The following CTSC variants were observed in gnomAD, a reference collection of about 807,000 sequenced individuals.
CTSC encodes cathepsin C, also known as dipeptidyl peptidase 1.
A neutral mutation model predicts 40.9 loss-of-function variants in CTSC; 37 were observed. That is an observed-to-expected ratio of 0.91 (90% CI 0.70 to 1.19). The LOEUF is 1.19. CTSC is among the 50% of genes most tolerant of loss of function. CTSC has a pLI of 0.00. For missense variants in CTSC, 594 were observed against 567.3 expected, an observed-to-expected ratio of 1.05 and a Z score of -0.48; for synonymous variants, 232 against 207.4, an observed-to-expected ratio of 1.12 and a Z score of -1.02.
intron 2 of CTSC, among the ~76,000 whole-genome samples, chr11:88,330,793 C>T (rs1413860259): frequency 1.2e-4 from 19 of 152,128 alleles, no homozygotes; most frequent in Admixed American, 1.2e-3. Flanking sequence ...CCTACTATAC[C>T]CCCAATTTCT....
At position 88,301,351 on chromosome 11, in the gene CTSC, T is replaced by G. The variant is rs551977452; in HGVS notation, c.642-706A>C. Among the ~76,000 whole-genome samples the G allele has an allele frequency of 9.8e-5, 15 of 152,308 alleles. 1 individual carries two copies. The highest frequency in any genetic ancestry group is 3.6e-4 in the African/African-American group (15 of 41,576). ...CTTAACTCCACCCTCTTCATTTACATAAGGCATACACCAGGTAACCAATGG... is the reference window on the plus strand; with the variant it reads ...CTTAACTCCACCCTCTTCATTTACAGAAGGCATACACCAGGTAACCAATGG... On this transcript the variant is annotated intron_variant, in intron 4 of 6. Transcript: ENST00000227266.
At chr11:88,327,433 GTCTC>G in intron 2 of CTSC, among the ~76,000 whole-genome samples, 1 of 152,168 alleles carries the variant, frequency 6.6e-6, no homozygotes, top group African/African-American at 2.4e-5. Context: ...GGAAGGGTAA[GTCTC>G]TATTAATTTT....
chr11:88,330,345 G>C (rs1478371826), intron 2 of CTSC, among the ~76,000 whole-genome samples: 2 of 152,102 alleles, frequency 1.3e-5, no homozygotes, highest in African/African-American at 2.4e-5. Context: ...TGCTGAGTAA[G>C]AAAAAATCTT....
chr11:88,321,327 T>G (rs1289650073), intron 2 of CTSC: 1 of 152,158 alleles, frequency 6.6e-6, no homozygotes, highest in Non-Finnish European at 1.5e-5. Flanking sequence ...TTGAGCAGGA[T>G]ATAAAGAACT....
chr11:88,335,033 T>C lies in CTSC; in HGVS notation c.222A>G (p.Ala74=). Residue 74 remains alanine (A), a synonymous_variant, in exon 2 of 7, where the codon GCA becomes GCG. Transcript: ENST00000227266. ...VVVYLQKLDT[A]YDDLGNSGHF... is the part of the protein sequence containing the mutation. ...GGCCAGAATTGCCAAGGTCATCATATGCTGTATCCAGCTTCTGAAGGTACA... is the reference window on the plus strand; with the variant it reads ...GGCCAGAATTGCCAAGGTCATCATACGCTGTATCCAGCTTCTGAAGGTACA... 1.2e-6 allele frequency: 2 copies of C among 1,607,420 alleles called. No individual in the cohort carries two copies. Among genetic ancestry groups the C allele is most frequent in the Non-Finnish European group, 1.7e-6 (2 of 1,174,164 alleles).
intron 4 of CTSC, among the ~76,000 whole-genome samples, chr11:88,306,367 A>G (rs905461699): frequency 6.6e-6 from 1 of 152,146 alleles, no homozygotes; most frequent in Admixed American, 6.5e-5. Context: ...CTGAAGACCT[A>G]AGGCCCTAAG....
chr11:88,310,221 C>T (rs1454876733), intron 3 of CTSC, among the ~76,000 whole-genome samples: 1 of 146,688 alleles, frequency 6.8e-6, no homozygotes, highest in African/African-American at 2.5e-5. Flanking sequence ...AAGTGATTCA[C>T]AATAACATTA....
chr11:88,297,634 C>A (rs1944312767), intron 5 of CTSC: 1 of 152,188 alleles, frequency 6.6e-6, no homozygotes, highest in African/African-American at 2.4e-5. Flanking sequence ...GTGGGAGGCA[C>A]AGGCTGCAAG....
rs553322141 is a variant in CTSC at position 88,298,413 on chromosome 11, A to C, written c.757+2117T>G. The C allele has an allele frequency of 2.0e-5, 3 of 152,256 alleles. No individual in the cohort carries two copies. The East Asian group carries it at 5.8e-4, about 29-fold the overall frequency. 9.4% of individuals were successfully genotyped at this position (152,256 alleles called of 1,614,324 possible). ...ATCTGTTTTCAAGTGTAAAGGTAAAACCTCATTTGTCCTCCCACTATTTCT... is the reference window on the plus strand; with the variant it reads ...ATCTGTTTTCAAGTGTAAAGGTAAACCCTCATTTGTCCTCCCACTATTTCT... On this transcript the variant is annotated intron_variant, in intron 5 of 6. Transcript: ENST00000227266.
At chr11:88,330,769 T>C (rs1194668503) in intron 2 of CTSC, among the ~76,000 whole-genome samples, 1 of 152,216 alleles carries the variant, frequency 6.6e-6, no homozygotes, top group Admixed American at 6.5e-5. Context: ...CATCCAAATA[T>C]ATGTATCTCC....
At chr11:88,300,667 GAT>G in intron 4 of CTSC, 22 bp from the exon 5 acceptor site, 1 of 1,330,916 alleles carries the variant, frequency 7.5e-7, no homozygotes, top group South Asian at 1.2e-5. Flanking sequence ...ATATACATTT[GAT>G]ATCAACATAT....
chr11:88,315,088 T>C (rs75754040), intron 2 of CTSC, among the ~76,000 whole-genome samples: 2,508 of 152,310 alleles, frequency 0.016, 78 homozygotes, highest in African/African-American at 0.057. Flanking sequence ...GGTAACTTTA[T>C]AGGATGCAAC....
At chr11:88,313,235 A>G (rs1434884737) in intron 2 of CTSC, among the ~76,000 whole-genome samples, 3 of 152,052 alleles carry the variant, frequency 2.0e-5, no homozygotes, top group Non-Finnish European at 2.9e-5. Flanking sequence ...ACGCCTGGCT[A>G]ATTTTTGTAT....
intron 1 of CTSC, 67 bp downstream of exon 1, chr11:88,337,434 G>A (rs769976786): frequency 1.1e-5 from 16 of 1,471,824 alleles, no homozygotes; most frequent in Middle Eastern, 2.2e-4. Context: ...GGTAGTTGGC[G>A]TGGCGCTGCG....
At chr11:88,299,510 G>C (rs1944334808) in intron 5 of CTSC, 1 of 152,190 alleles carries the variant, frequency 6.6e-6, no homozygotes, top group Admixed American at 6.5e-5. Context: ...GTTGCTGACT[G>C]GCTGTTATAA....
chr11:88,294,837 T>C (rs1944280982), intron 6 of CTSC, among the ~76,000 whole-genome samples: 1 of 152,222 alleles, frequency 6.6e-6, no homozygotes, highest in Non-Finnish European at 1.5e-5. Context: ...ACCTGTAAAA[T>C]CTAGATGGTA....
intron 2 of CTSC, among the ~76,000 whole-genome samples, chr11:88,330,216 T>C (rs1231965512): frequency 6.6e-6 from 1 of 152,226 alleles, no homozygotes; most frequent in Non-Finnish European, 1.5e-5. Flanking sequence ...CAGGCCTGAT[T>C]ACTCCTTATT....
At chr11:88,323,848 TCA>T (rs1938102100) in intron 2 of CTSC, 1 of 152,114 alleles carries the variant, frequency 6.6e-6, no homozygotes, top group African/African-American at 2.4e-5. Flanking sequence ...CCAAAGCAAT[TCA>T]CAGATTCAAT....
intron 5 of CTSC, chr11:88,298,370 T>C (rs938794741): frequency 2.6e-5 from 4 of 152,232 alleles, no homozygotes; most frequent in Admixed American, 6.5e-5. Flanking sequence ...TAAATCTAGG[T>C]ATAAGGCTTG....
Sources: gnomAD v4.1 joint callset for allele counts (sites outside exome capture counted in the v4.1 genomes callset) on GRCh38, gnomAD v4.1.1 for gene constraint, MANE v1.5 for transcripts, NCBI Gene and HGNC (gene_info 2026-07-23, HGNC 2026-07-21) for gene names.